Variants in PHF24 observed in about 807,000 individuals in gnomAD.
The protein encoded by PHF24 is PHD finger protein 24.
PHF24 carries 25 observed loss-of-function variants against 42.6 expected under a neutral mutation model. The ratio of observed to expected loss-of-function variants is 0.59; its 90% confidence interval spans 0.43 to 0.82. The LOEUF is 0.82. Ranked by LOEUF, PHF24 falls within the 40% of genes least tolerant of loss-of-function variation. The pLI, the probability that PHF24 is intolerant of heterozygous loss-of-function variation, is 0.00. For synonymous variants in PHF24, 185 were observed against 204.8 expected, an observed-to-expected ratio of 0.90 and a Z score of 0.83; for missense variants, 470 against 538.1, an observed-to-expected ratio of 0.87 and a Z score of 1.25.
At chr9:34,682,832 G>T in the PHF24 span, among the ~76,000 whole-genome samples, 1 of 152,118 alleles carries the variant, frequency 6.6e-6, no homozygotes, top group Non-Finnish European at 1.5e-5. Context: ...ATTTTTGGTG[G>T]TGGTAGCCGT....
At chr9:34,707,686 T>C in the PHF24 span, among the ~76,000 whole-genome samples, 2 of 152,134 alleles carry the variant, frequency 1.3e-5, no homozygotes, top group African/African-American at 4.8e-5. Context: ...CAGCCACTTC[T>C]AGCTTCTGAG....
chr9:34,965,868 C>T (rs753372527), intron 1 of PHF24, among the ~76,000 whole-genome samples: 3 of 152,188 alleles, frequency 2.0e-5, no homozygotes, highest in Non-Finnish European at 4.4e-5. Flanking sequence ...ATGAATCGTT[C>T]TTGAAAATGT....
At chr9:34,744,232 G>A in the PHF24 span, among the ~76,000 whole-genome samples, 1 of 152,202 alleles carries the variant, frequency 6.6e-6, no homozygotes, top group African/African-American at 2.4e-5. Context: ...GACCATGGGT[G>A]GTGGTCAGTG....
chr9:34,795,906 G>A, the PHF24 span, among the ~76,000 whole-genome samples: 26 of 151,944 alleles, frequency 1.7e-4, no homozygotes, highest in African/African-American at 6.0e-4. Flanking sequence ...GGAGGCTGAG[G>A]TGTAAGGGTC....
intron 1 of PHF24, among the ~76,000 whole-genome samples, chr9:34,969,453 A>G (rs1326113406): frequency 2.0e-5 from 3 of 152,030 alleles, no homozygotes; most frequent in Non-Finnish European, 4.4e-5. Context: ...CATCCTGGCT[A>G]ACACGGTGAA....
At chr9:34,701,536 A>G in the PHF24 span, among the ~76,000 whole-genome samples, 1 of 152,124 alleles carries the variant, frequency 6.6e-6, no homozygotes, top group South Asian at 2.1e-4. This position sits in a 1 kb window ranked among gnomAD's most constrained non-coding sequence, Gnocchi z 5.8. Flanking sequence ...TGACCCTGCG[A>G]GCTCCTCAGA....
the PHF24 span, chr9:34,917,767 T>C: frequency 2.1e-6 from 2 of 974,230 alleles, no homozygotes; most frequent in Non-Finnish European, 1.7e-6. Flanking sequence ...ATGCCAATCA[T>C]GCCTCCCCAG....
chr9:34,852,410 CCTTT>C, the PHF24 span, among the ~76,000 whole-genome samples: 1 of 152,156 alleles, frequency 6.6e-6, no homozygotes, highest in Non-Finnish European at 1.5e-5. Flanking sequence ...TAATTAGCAT[CCTTT>C]CTTTCAGCTT....
the PHF24 span, among the ~76,000 whole-genome samples, chr9:34,903,019 T>C: frequency 6.6e-6 from 1 of 152,190 alleles, no homozygotes; most frequent in Non-Finnish European, 1.5e-5. Context: ...GCCAGGCCTG[T>C]TATACGCCTC....
chr9:34,830,482 T>G, the PHF24 span, among the ~76,000 whole-genome samples: 1 of 152,172 alleles, frequency 6.6e-6, no homozygotes. Flanking sequence ...GGGAGACTAG[T>G]GCCTGCCTTA....
chr9:34,809,987 C>A, the PHF24 span, among the ~76,000 whole-genome samples: 1 of 148,516 alleles, frequency 6.7e-6, no homozygotes, highest in African/African-American at 2.5e-5. This position sits in a 1 kb window ranked among gnomAD's most constrained non-coding sequence, Gnocchi z 4.1. Flanking sequence ...GAAAGCCTCG[C>A]GTGGGCGCAC....
chr9:34,764,194 A>G, the PHF24 span, among the ~76,000 whole-genome samples: 1 of 67,918 alleles, frequency 1.5e-5, no homozygotes, highest in Non-Finnish European at 3.4e-5. Context: ...CTTTGGTATC[A>G]GGATGATGCT....
At chr9:34,718,076 G>A in the PHF24 span, among the ~76,000 whole-genome samples, 7 of 152,076 alleles carry the variant, frequency 4.6e-5, no homozygotes, top group African/African-American at 1.7e-4. Context: ...ACTATTTACC[G>A]CAAGGAGGGC....
chr9:34,824,508 G>A, the PHF24 span, among the ~76,000 whole-genome samples: 1 of 152,120 alleles, frequency 6.6e-6, no homozygotes, highest in South Asian at 2.1e-4. Flanking sequence ...TAAGGATAGG[G>A]TGGGAATCAT....
chr9:34,932,110 G>C, the PHF24 span, among the ~76,000 whole-genome samples: 1 of 152,118 alleles, frequency 6.6e-6, no homozygotes, highest in Non-Finnish European at 1.5e-5. Context: ...CTTCTCTCTG[G>C]TCTTCAGCCA....
the PHF24 span, among the ~76,000 whole-genome samples, chr9:34,704,184 G>A: frequency 4.0e-5 from 6 of 149,580 alleles, no homozygotes; most frequent in Non-Finnish European, 7.4e-5. Flanking sequence ...GTGCCACCGT[G>A]CCTGGCTAAT....
chr9:34,877,847 G>T, the PHF24 span, among the ~76,000 whole-genome samples: 1 of 151,946 alleles, frequency 6.6e-6, no homozygotes, highest in Admixed American at 6.6e-5. Flanking sequence ...CCTACATTAG[G>T]TATTTCTCTT....
At chr9:34,697,806 A>G in the PHF24 span, among the ~76,000 whole-genome samples, 18 of 152,216 alleles carry the variant, frequency 1.2e-4, 1 homozygote, top group Non-Finnish European at 2.1e-4. Context: ...GGGGAACACC[A>G]ACTCTTTGAA....
the PHF24 span, among the ~76,000 whole-genome samples, chr9:34,788,060 C>G: frequency 6.6e-6 from 1 of 152,082 alleles, no homozygotes; most frequent in Non-Finnish European, 1.5e-5. Flanking sequence ...TTTTTTGAGA[C>G]AGGGTCTCCC....
Sources: allele counts gnomAD v4.1 joint callset (sites outside exome capture counted in the v4.1 genomes callset), GRCh38; gene constraint gnomAD v4.1.1; non-coding constraint Gnocchi (gnomAD v3.1); transcripts MANE v1.5; gene names NCBI Gene and HGNC (gene_info 2026-07-23, HGNC 2026-07-21).